Variants in ZBTB20 observed in about 807,000 individuals in gnomAD.
ZBTB20 encodes the protein zinc finger and BTB domain containing 20.
A neutral mutation model predicts 56.9 loss-of-function variants in ZBTB20; 9 were observed. The ratio of observed to expected loss-of-function variants is 0.16; its 90% CI spans 0.10 to 0.28. The LOEUF is 0.28. Ranked by LOEUF, ZBTB20 falls within the 10% of genes least tolerant of loss-of-function variation. The pLI is 1.00. For missense variants in ZBTB20, 655 were observed against 1,003.0 expected (o/e 0.65, Z 4.69); for synonymous variants, 417 against 420.7 (o/e 0.99, Z 0.11).
chr3:114,970,905 C>G (rs891163528), intron 3 of ZBTB20, among the ~76,000 whole-genome samples: 3 of 151,956 alleles, frequency 2.0e-5, no homozygotes, highest in Admixed American at 1.3e-4. Context: ...GTCCCAGCTA[C>G]TTGGGAGGCT....
At chr3:114,461,037 C>A (rs2092305606) in intron 7 of ZBTB20, among the ~76,000 whole-genome samples, 1 of 152,078 alleles carries the variant, frequency 6.6e-6, no homozygotes, top group Admixed American at 6.6e-5. Context: ...TCACATTTGC[C>A]CACCTCCTGT....
chr3:114,589,466 T>C (rs2055522943), intron 6 of ZBTB20, among the ~76,000 whole-genome samples: 1 of 152,216 alleles, frequency 6.6e-6, no homozygotes. Context: ...TTAATCTCTT[T>C]GATTTTCTGT....
At chr3:114,386,734 C>T (rs143486556) in intron 8 of ZBTB20, among the ~76,000 whole-genome samples, 2,366 of 152,256 alleles carry the variant, frequency 0.016, 28 homozygotes, top group South Asian at 0.067. Flanking sequence ...CTGGGTCACA[C>T]ATCAGGGCAA....
At chr3:114,924,732 T>C (rs910635429) in intron 3 of ZBTB20, among the ~76,000 whole-genome samples, 1 of 152,160 alleles carries the variant, frequency 6.6e-6, no homozygotes, top group Non-Finnish European at 1.5e-5. Context: ...TTTCACTATA[T>C]ACAATCTTTG....
At chr3:115,084,518 T>C (rs915412182) in intron 1 of ZBTB20, among the ~76,000 whole-genome samples, 2 of 151,896 alleles carry the variant, frequency 1.3e-5, no homozygotes, top group Non-Finnish European at 2.9e-5. Context: ...GGTCAATCTG[T>C]TTTTTTAATA....
chr3:115,129,768 C>T (rs2084447516), intron 1 of ZBTB20, among the ~76,000 whole-genome samples: 1 of 152,146 alleles, frequency 6.6e-6, no homozygotes, highest in Non-Finnish European at 1.5e-5. Flanking sequence ...TAGAATAAGA[C>T]ATCATCAGAA....
At chr3:114,412,395 C>T (rs939096604) in intron 7 of ZBTB20, among the ~76,000 whole-genome samples, 1 of 152,028 alleles carries the variant, frequency 6.6e-6, no homozygotes, top group Non-Finnish European at 1.5e-5. Context: ...CAAATATCCT[C>T]AGAAATAGGA....
intron 2 of ZBTB20, among the ~76,000 whole-genome samples, chr3:115,068,905 A>G (rs1207829913): frequency 6.6e-6 from 1 of 151,936 alleles, no homozygotes; most frequent in Non-Finnish European, 1.5e-5. Context: ...TGACAGTTTG[A>G]TAGTGCATTC....
chr3:114,850,142 C>G (rs1579152167), intron 4 of ZBTB20, among the ~76,000 whole-genome samples: 2 of 151,936 alleles, frequency 1.3e-5, no homozygotes, highest in Non-Finnish European at 2.9e-5. Context: ...TCGAGTGATC[C>G]GCCTGCCTCA....
chr3:115,032,464 G>C (rs2080726843), intron 2 of ZBTB20, among the ~76,000 whole-genome samples: 1 of 151,340 alleles, frequency 6.6e-6, no homozygotes, highest in African/African-American at 2.4e-5. Context: ...TCTGGGAAGA[G>C]AAATGGGGGT....
At chr3:114,690,936 GC>G (rs1311196064) in intron 6 of ZBTB20, among the ~76,000 whole-genome samples, 1 of 152,068 alleles carries the variant, frequency 6.6e-6, no homozygotes, top group East Asian at 1.9e-4. Flanking sequence ...TTCAACACAT[GC>G]TTAAACCCAA....
At chr3:114,859,572 G>GTTTTTTTTTT (rs59741665) in intron 4 of ZBTB20, among the ~76,000 whole-genome samples, 1 of 116,606 alleles carries the variant, frequency 8.6e-6, no homozygotes, top group African/African-American at 3.1e-5. Context: ...TTCTTATGGC[G>GTTTTTTTTTT]TTTTTTTTTT....
chr3:114,771,019 T>G (rs1174651987), intron 5 of ZBTB20, among the ~76,000 whole-genome samples: 1 of 152,188 alleles, frequency 6.6e-6, no homozygotes. Context: ...ATGCACTTGT[T>G]AAGGACTTTT....
rs1455535277 is a variant in ZBTB20, at chr3:115,041,332, G to A, written c.-507+29887C>T. Among the ~76,000 whole-genome samples the A allele has an allele frequency of 2.6e-5, 4 of 152,088 alleles. No individual in the cohort carries two copies. In the East Asian group the frequency reaches 7.7e-4, roughly 29 times the overall value. ...GAACGAAACTGAGGCTCATGTAAATGTTTTTCCCAGTTTATATGGTACAGT... is the reference window on the plus strand; with the variant it reads ...GAACGAAACTGAGGCTCATGTAAATATTTTTCCCAGTTTATATGGTACAGT... On this transcript the variant is annotated intron_variant, in intron 2 of 11. Coordinates refer to ENST00000675478, the MANE Select transcript of ZBTB20 (RefSeq NM_001348800.3).
At chr3:115,130,014 A>G (rs1450036073) in intron 1 of ZBTB20, among the ~76,000 whole-genome samples, 3 of 152,220 alleles carry the variant, frequency 2.0e-5, no homozygotes, top group Non-Finnish European at 4.4e-5. Context: ...AGTGTAAAAA[A>G]TGCCTTCAGA....
intron 7 of ZBTB20, among the ~76,000 whole-genome samples, chr3:114,448,149 C>G (rs2091379757): frequency 6.6e-6 from 1 of 152,118 alleles, no homozygotes; most frequent in African/African-American, 2.4e-5. Flanking sequence ...CCTGCAGCCA[C>G]CCAGGATCAG....
At chr3:115,111,547 C>G (rs943727984) in intron 1 of ZBTB20, among the ~76,000 whole-genome samples, 1 of 151,730 alleles carries the variant, frequency 6.6e-6, no homozygotes, top group South Asian at 2.1e-4. Context: ...CACTTAATAC[C>G]CACTCAATAA....
At chr3:114,479,881 T>G (rs980565749) in intron 7 of ZBTB20, among the ~76,000 whole-genome samples, 1 of 152,168 alleles carries the variant, frequency 6.6e-6, no homozygotes, top group African/African-American at 2.4e-5. Context: ...TAAGTAAGAA[T>G]TGAGTGAGAC....
intron 6 of ZBTB20, among the ~76,000 whole-genome samples, chr3:114,515,865 T>C (rs986519380): frequency 6.6e-6 from 1 of 152,210 alleles, no homozygotes; most frequent in African/African-American, 2.4e-5. Context: ...ATAACAATGA[T>C]AATAAACTAA....
Sources: gnomAD v4.1 joint callset for allele counts (sites outside exome capture counted in the v4.1 genomes callset) on GRCh38, gnomAD v4.1.1 for gene constraint, MANE v1.5 for transcripts, NCBI Gene and HGNC (gene_info 2026-07-23, HGNC 2026-07-21) for gene names.